ERICH3: variants seen among roughly 807,000 people sequenced by gnomAD.
The protein encoded by ERICH3 is glutamate rich 3, also known as glutamate-rich protein 3.
ERICH3 carries 126 observed loss-of-function variants against 131.1 expected under a neutral mutation model. That is an observed-to-expected ratio of 0.96 (90% CI 0.83 to 1.11). ERICH3 has a LOEUF of 1.11. Among genes scored for constraint, ERICH3 ranks in the 50% most tolerant of loss-of-function variants. The probability of loss-of-function intolerance (pLI) is 0.00; values close to 1 mark genes in which losing one functional copy is unlikely to be tolerated. For missense variants in ERICH3, 2,050 were observed against 1,810.7 expected (o/e 1.13, Z -2.40); for synonymous variants, 695 against 644.6 (o/e 1.08, Z -1.18).
At chr1:74,667,395 T>A (rs1009690472) in intron 1 of ERICH3, among the ~76,000 whole-genome samples, 5 of 152,160 alleles carry the variant, frequency 3.3e-5, no homozygotes, top group African/African-American at 1.2e-4. Flanking sequence ...TATTCTCAAC[T>A]ATTTGTGTGG....
chr1:74,608,590 C>T (rs1285935275), intron 9 of ERICH3, among the ~76,000 whole-genome samples: 1 of 152,022 alleles, frequency 6.6e-6, no homozygotes, highest in Non-Finnish European at 1.5e-5. Context: ...TCCCAACAAG[C>T]AAATATGAGA....
chr1:74,571,642 C>A lies in ERICH3; in HGVS notation c.4068G>T (p.Glu1356Asp). 2 of 1,614,186 alleles carry A rather than the reference C, an allele frequency of 1.2e-6. No individual in the cohort carries two copies. The highest frequency in any genetic ancestry group is 8.5e-7 in the Non-Finnish European group (1 of 1,180,032). Residue 1356 changes from glutamate (E) to aspartate (D), a missense_variant, in exon 14 of 15, where the codon GAG becomes GAT. Coordinates refer to ENST00000326665, the MANE Select transcript of ERICH3 (RefSeq NM_001002912.5). ...GGETAETAAE[E>D]REVLAGSETA... ...TCTCCGAACCTGCCAACACCTCCCT[C>A]TCCTCTGCGGCTGTTTCTGCCGTTT...
intron 1 of ERICH3, among the ~76,000 whole-genome samples, chr1:74,652,505 C>T (rs1344542980): frequency 6.6e-6 from 1 of 152,100 alleles, no homozygotes; most frequent in Non-Finnish European, 1.5e-5. Flanking sequence ...CCACCCTTTT[C>T]CTCTGCGTTC....
chr1:74,610,369 A>G (rs1457279862), intron 9 of ERICH3, among the ~76,000 whole-genome samples: 1 of 149,956 alleles, frequency 6.7e-6, no homozygotes, highest in African/African-American at 2.5e-5. Flanking sequence ...CAGCACATCT[A>G]TTAATAGCAA....
In ERICH3 at chr1:74,571,255, T is replaced by C. The variant is rs1156761262; in HGVS notation, c.4455A>G (p.Glu1485=). 6.2e-7 allele frequency: 1 copy of C among 1,613,944 alleles called. No individual in the cohort carries two copies. The highest frequency in any genetic ancestry group is 1.1e-5 in the South Asian group (1 of 91,074). Residue 1485 remains glutamate, a synonymous_variant, in exon 14 of 15, where the codon GAA becomes GAG. Transcript: ENST00000326665. The part of the protein sequence containing the change: ...RLGLSREGER[E]LSPESLQAMA... Reference sequence around the variant, plus strand: ...TCGCCTGTAGACTCTCCGGACTCAATTCCCTCTCTCCCTCCCGTGATAATC... The same window carrying C: ...TCGCCTGTAGACTCTCCGGACTCAACTCCCTCTCTCCCTCCCGTGATAATC...
chr1:74,663,426 G>A (rs1008832056), intron 1 of ERICH3, among the ~76,000 whole-genome samples: 1 of 152,040 alleles, frequency 6.6e-6, no homozygotes, highest in African/African-American at 2.4e-5. Flanking sequence ...AGTGGACATG[G>A]TTGACTGGCT....
At chr1:74,667,738 C>CT (rs1431543637) in intron 1 of ERICH3, among the ~76,000 whole-genome samples, 6 of 152,216 alleles carry the variant, frequency 3.9e-5, no homozygotes, top group Non-Finnish European at 7.4e-5. Flanking sequence ...GTTAGAGATG[C>CT]TTTTTCTCAG....
chr1:74,609,142 T>C (rs937013068), intron 9 of ERICH3, among the ~76,000 whole-genome samples: 5 of 152,086 alleles, frequency 3.3e-5, no homozygotes, highest in Admixed American at 1.3e-4. Context: ...CCAAGTTTCA[T>C]GCTAGCAATT....
rs181090063 is a variant in ERICH3 at position 74,579,264 on chromosome 1, C to G, written c.2177-2328G>C. 9 of 473,098 alleles carry G rather than the reference C, an allele frequency of 1.9e-5. No homozygotes were observed. In the Admixed American group the frequency reaches 5.8e-4, roughly 30 times the overall value. 29.3% of individuals were successfully genotyped at this position (473,098 alleles called of 1,614,324 possible). On this transcript the variant is annotated intron_variant, in intron 12 of 14. Transcript: ENST00000326665. ...TTCCATCAGTGCTAAGACATCAAAGCTTTTTCCAAGTAGTCCACAGGGTAT... is the reference window on the plus strand; with the variant it reads ...TTCCATCAGTGCTAAGACATCAAAGGTTTTTCCAAGTAGTCCACAGGGTAT...
chr1:74,626,028 A>G (rs896733001), intron 7 of ERICH3: 1 of 152,208 alleles, frequency 6.6e-6, no homozygotes, highest in Non-Finnish European at 1.5e-5. Flanking sequence ...AATTTTTCAT[A>G]TTGATTACAG....
intron 8 of ERICH3, among the ~76,000 whole-genome samples, chr1:74,619,564 CA>C (rs1343963743): frequency 6.6e-6 from 1 of 152,170 alleles, no homozygotes; most frequent in Admixed American, 6.5e-5. Context: ...TGGAACTGAT[CA>C]AGGGCCTTGC....
intron 1 of ERICH3, among the ~76,000 whole-genome samples, chr1:74,660,676 G>GTA (rs1326257351): frequency 1.1e-3 from 166 of 147,964 alleles, no homozygotes; most frequent in African/African-American, 3.8e-3. Flanking sequence ...GTGTATATGT[G>GTA]TATATATATA....
chr1:74,619,132 C>T (rs1042757754), intron 8 of ERICH3, among the ~76,000 whole-genome samples: 1 of 152,176 alleles, frequency 6.6e-6, no homozygotes, highest in Non-Finnish European at 1.5e-5. Flanking sequence ...TCAAGACTGT[C>T]CAATGCCGTA....
At chr1:74,608,534 C>T (rs1648510124) in intron 9 of ERICH3, among the ~76,000 whole-genome samples, 1 of 151,954 alleles carries the variant, frequency 6.6e-6, no homozygotes, top group Admixed American at 6.6e-5. Context: ...TAAATTTCAG[C>T]CATCTGCAGC....
intron 9 of ERICH3, among the ~76,000 whole-genome samples, chr1:74,608,936 G>T (rs1445631353): frequency 6.6e-6 from 1 of 151,972 alleles, no homozygotes; most frequent in Non-Finnish European, 1.5e-5. Context: ...CTGCGTAAAG[G>T]CTTTGATGCC....
intron 1 of ERICH3, among the ~76,000 whole-genome samples, chr1:74,660,643 T>TGTGTGTATATATATACAC (rs1312344861): frequency 6.7e-6 from 1 of 148,714 alleles, no homozygotes; most frequent in Non-Finnish European, 1.5e-5. Context: ...CATGTGTATA[T>TGTGTGTATATATATACAC]ATGTGTATAT....
At chr1:74,622,571 C>T (rs1429003458) in intron 7 of ERICH3, 2 of 152,224 alleles carry the variant, frequency 1.3e-5, no homozygotes, top group African/African-American at 2.4e-5. Context: ...CCAAGCTGCA[C>T]CTAGCACCTT....
At chr1:74,583,831 G>A (rs915365022) in intron 12 of ERICH3, among the ~76,000 whole-genome samples, 5 of 151,868 alleles carry the variant, frequency 3.3e-5, no homozygotes, top group Admixed American at 6.6e-5. Context: ...ATTTCCTATC[G>A]TGTATTCTCA....
intron 1 of ERICH3, among the ~76,000 whole-genome samples, chr1:74,659,711 T>C (rs1646622183): frequency 6.6e-6 from 1 of 152,198 alleles, no homozygotes; most frequent in Non-Finnish European, 1.5e-5. Context: ...ATCCTATGTA[T>C]CAGATTATTA....
Sources: gnomAD v4.1 joint callset for allele counts (sites outside exome capture counted in the v4.1 genomes callset) on GRCh38, gnomAD v4.1.1 for gene constraint, MANE v1.5 for transcripts, NCBI Gene and HGNC (gene_info 2026-07-23, HGNC 2026-07-21) for gene names.